The following CELSR2 variants were observed in gnomAD, a reference collection of about 807,000 sequenced individuals.
The protein encoded by CELSR2 is EGF-like protein 2.
A neutral mutation model predicts 251.6 loss-of-function variants in CELSR2; 81 were observed. The observed-to-expected ratio is 0.32, with a 90% CI of 0.27 to 0.39. The LOEUF (loss-of-function observed/expected upper bound fraction) is 0.39, where lower values mean the gene tolerates loss of function less well. CELSR2 is among the 10% of genes least tolerant of loss of function. The pLI, the probability that CELSR2 is intolerant of heterozygous loss-of-function variation, is 1.00. For missense variants in CELSR2, 3,365 were observed against 3,947.7 expected, an observed-to-expected ratio of 0.85 and a Z score of 3.96; for synonymous variants, 1,721 against 1,670.5, an observed-to-expected ratio of 1.03 and a Z score of -0.74.
intron 17 of CELSR2, 152 bp downstream of exon 17, chr1:109,268,212 CT>C (rs763885086): frequency 8.9e-5 from 108 of 1,216,440 alleles, no homozygotes; most frequent in Middle Eastern, 2.9e-4. Flanking sequence ...CCTGTGACCC[CT>C]GGCCCAGCCC....
chr1:109,264,845 C>T (rs1382566436), intron 11 of CELSR2, 23 bp from the exon 12 acceptor site: 2 of 1,614,010 alleles, frequency 1.2e-6, no homozygotes, highest in Non-Finnish European at 1.7e-6. Flanking sequence ...GGGAATGAGC[C>T]TCTCTGGTCC....
rs757475093 is a variant in CELSR2, at chr1:109,252,370, C to T, written c.2291C>T (p.Thr764Met). ...SIPQFRIDAD[T>M]GAVTTQAELD... is the part of the protein sequence containing the mutation. The stretch of plus-strand genomic sequence containing the variant: ...CCCCAGTTCCGCATCGATGCAGACA[C>T]GGGGGCTGTCACCACCCAGGCTGAG... Residue 764 changes from threonine to methionine, a missense_variant, in exon 1 of 34, where the codon ACG becomes ATG. Transcript: ENST00000271332. The surrounding 1 kb of genome is among the most constrained non-coding windows in gnomAD (Gnocchi z 4.8). The T allele has an allele frequency of 2.9e-5, 47 of 1,612,924 alleles. No homozygotes were observed. In the Admixed American group the frequency reaches 6.8e-4, roughly 23 times the overall value.
chr1:109,273,078 G>C lies in CELSR2; in HGVS notation c.8338+51G>C, dbSNP rs762347378. 1.6e-5 allele frequency: 25 copies of C among 1,593,698 alleles called. No homozygotes were observed. In the Admixed American group the frequency reaches 2.1e-4, roughly 13 times the overall value. ...TTTGGGGCCAGTGGGAGGACAGTGGGCCTGGGGTTCTTGGGAAGCAGGACT... is the reference window on the plus strand; with the variant it reads ...TTTGGGGCCAGTGGGAGGACAGTGGCCCTGGGGTTCTTGGGAAGCAGGACT... On this transcript the variant is annotated intron_variant, in intron 31 of 33. Transcript: ENST00000271332.
In CELSR2 at chr1:109,261,245, C is replaced by T. The variant is rs1656013400; in HGVS notation, c.4162C>T (p.His1388Tyr). The change falls in exon 3 of 34, where the codon CAC becomes TAC. Residue 1388 changes from histidine (H) to tyrosine (Y), a missense_variant. Physicochemically the swap from His to Tyr is moderately conservative, Grantham distance 83 (BLOSUM62 2). This residue lies in a region of CELSR2 where 2,093 missense variants were observed against 2,382.8 expected (regional missense o/e 0.88). Coordinates refer to ENST00000271332, the MANE Select transcript of CELSR2 (RefSeq NM_001408.3). The surrounding 1 kb of genome is among the most constrained non-coding windows in gnomAD (Gnocchi z 4.8). ...CTTTCGCGGCCTGCGCCAGCGTTTC[C>T]ACTTCACCCTGGCCCTCTCGTGAGT... ...ITFRGLRQRF[H>Y]FTLALSFATK... 1 of 1,613,518 alleles carries T rather than the reference C, an allele frequency of 6.2e-7. No homozygotes were observed. Among genetic ancestry groups the T allele is most frequent in the African/African-American group, 1.3e-5 (1 of 75,060 alleles).
chr1:109,258,758 CGCAGCCT>C lies in CELSR2; in HGVS notation c.3640_3646del (p.Ser1214Ter), dbSNP rs1557730062. ...CCTGCAGGAGCGCCTATACCTCAAC[CGCAGCCT>C]GCTGACGGCCATCTCGGCACAGCGC... On this transcript the variant is annotated frameshift_variant, in exon 2 of 34. Transcript: ENST00000271332. LOFTEE classifies it high-confidence loss of function. 6.3e-7 allele frequency: 1 copy of C among 1,584,840 alleles called. No homozygotes were observed. The highest frequency in any genetic ancestry group is 1.8e-5 in the Admixed American group (1 of 55,460).
intron 1 of CELSR2, among the ~76,000 whole-genome samples, chr1:109,258,126 G>C (rs1209194250): frequency 6.6e-6 from 1 of 152,154 alleles, no homozygotes; most frequent in Non-Finnish European, 1.5e-5. Context: ...AGACAACATA[G>C]GGTTCCCGCG....
In CELSR2 at chr1:109,273,263, G is replaced by A; in HGVS notation, c.8436G>A (p.Arg2812=). Residue 2812 remains arginine (R), a synonymous_variant, in exon 32 of 34, where the codon CGG becomes CGA. Transcript: ENST00000271332. ...ACGGGGCCCCTGAGGAGCGGCTGCG[G>A]GAGAATGGAGATGCCCTGTCTCGAG... ...SGNGAPEERL[R]ENGDALSREG... 3.1e-6 allele frequency: 5 copies of A among 1,610,918 alleles called. No individual in the cohort carries two copies. Among genetic ancestry groups the A allele is most frequent in the Non-Finnish European group, 4.2e-6 (5 of 1,178,540 alleles).
chr1:109,252,635 C>T lies in CELSR2; in HGVS notation c.2556C>T (p.Tyr852=), dbSNP rs748687661. The stretch of plus-strand genomic sequence containing the variant: ...CTGGACTTAATGGCAGGGTCTTCTA[C>T]ACCTTCCAAGGAGGCGACGATGGAG... ...RDSGLNGRVF[Y]TFQGGDDGDG... is the part of the protein sequence containing the mutation. The change falls in exon 1 of 34, where the codon TAC becomes TAT. Residue 852 remains tyrosine, a synonymous_variant. Transcript: ENST00000271332. This position sits in a 1 kb window ranked among gnomAD's most constrained non-coding sequence, Gnocchi z 4.8. 1.9e-6 allele frequency: 3 copies of T among 1,613,858 alleles called. No homozygotes were observed. The highest frequency in any genetic ancestry group is 1.1e-5 in the South Asian group (1 of 91,088).
rs1162095269 is a variant in CELSR2 at position 109,273,532 on chromosome 1, C to G, written c.8606C>G (p.Ser2869Cys). The G allele has an allele frequency of 1.3e-6, 2 of 1,596,572 alleles. No individual in the cohort carries two copies. The highest frequency in any genetic ancestry group is 1.3e-5 in the African/African-American group (1 of 74,310). ...TGCACAGGGTCTTCCCGGGGCTCCT[C>G]CGCTAGTGAGGGCAGCCGGGGAGGC... is the stretch of plus-strand genomic sequence containing the variant. The part of the protein sequence containing the change: ...EQCTGSSRGS[S>C]ASEGSRGGPP... The change falls in exon 33 of 34, where the codon TCC becomes TGC. Residue 2869 changes from serine (S) to cysteine (C), a missense_variant. Ser to Cys is a moderately radical substitution (Grantham distance 112, BLOSUM62 -1). Coordinates refer to ENST00000271332, the MANE Select transcript of CELSR2 (RefSeq NM_001408.3).
chr1:109,252,613 G>T lies in CELSR2; in HGVS notation c.2534G>T (p.Gly845Val). 1 of 1,613,922 alleles carries T rather than the reference G, an allele frequency of 6.2e-7. No homozygotes were observed. Among genetic ancestry groups the T allele is most frequent in the Non-Finnish European group, 8.5e-7 (1 of 1,180,052 alleles). The change falls in exon 1 of 34, where the codon GGA becomes GTA. Residue 845 changes from glycine (G) to valine (V), a missense_variant. Gly to Val is a moderately radical substitution (Grantham distance 109, BLOSUM62 -3). Transcript: ENST00000271332. This position sits in a 1 kb window ranked among gnomAD's most constrained non-coding sequence, Gnocchi z 4.8. ...ATCTCAGCCACTGATCGTGATTCTGGACTTAATGGCAGGGTCTTCTACACC... is the reference window on the plus strand; with the variant it reads ...ATCTCAGCCACTGATCGTGATTCTGTACTTAATGGCAGGGTCTTCTACACC... ...LQISATDRDSGLNGRVFYTFQ... is the reference protein window; with the variant it reads ...LQISATDRDSVLNGRVFYTFQ...
chr1:109,273,581 G>A lies in CELSR2; in HGVS notation c.8655G>A (p.Arg2885=). 1 of 1,560,806 alleles carries A rather than the reference G, an allele frequency of 6.4e-7. No homozygotes were observed. The highest frequency in any genetic ancestry group is 8.7e-7 in the Non-Finnish European group (1 of 1,152,826). Residue 2885 remains arginine (R), a synonymous_variant, in exon 33 of 34, where the codon CGG becomes CGA. Transcript: ENST00000271332. ...RGGPPPRPPP[R]QSLQEQLNGV... ...GCCCCCCTCCCCGCCCACCGCCCCG[G>A]CAGAGCCTCCAGGAGCAGCTGAACG...
chr1:109,258,868 C>T lies in CELSR2; in HGVS notation c.3747C>T (p.Phe1249=). 3 of 1,612,274 alleles carry T rather than the reference C, an allele frequency of 1.9e-6. No homozygotes were observed. The highest frequency in any genetic ancestry group is 1.3e-5 in the African/African-American group (1 of 75,032). Residue 1249 remains phenylalanine, a synonymous_variant, in exon 2 of 34, where the codon TTC becomes TTT. Coordinates refer to ENST00000271332, the MANE Select transcript of CELSR2 (RefSeq NM_001408.3). ...TGCGCTGCGTGTCGGTGCTGCGCTT[C>T]GACTCCTCCGCGCCCTTCATCGCCT... The part of the protein sequence containing the change: ...NYMRCVSVLR[F]DSSAPFIASS...
At position 109,269,222 on chromosome 1, in the gene CELSR2, C is replaced by T. The variant is rs747418265; in HGVS notation, c.6744C>T (p.Ser2248=). The T allele has an allele frequency of 3.7e-5, 59 of 1,612,680 alleles. No individual in the cohort carries two copies. The highest frequency in any genetic ancestry group is 4.8e-5 in the Non-Finnish European group (57 of 1,179,880). ...PELSQGEAVA[S]VIIYRTLAGL... Reference sequence around the variant, plus strand: ...TGAGCCAGGGTGAGGCTGTGGCCAGCGTCATCATCTACCGCACCCTGGCCG... The same window carrying T: ...TGAGCCAGGGTGAGGCTGTGGCCAGTGTCATCATCTACCGCACCCTGGCCG... Residue 2248 remains serine (S), a synonymous_variant, in exon 20 of 34, where the codon AGC becomes AGT. Coordinates refer to ENST00000271332, the MANE Select transcript of CELSR2 (RefSeq NM_001408.3). This position sits in a 1 kb window ranked among gnomAD's most constrained non-coding sequence, Gnocchi z 6.4.
At position 109,264,889 on chromosome 1, in the gene CELSR2, C is replaced by T; in HGVS notation, c.5486C>T (p.Thr1829Ile). 3 of 1,614,186 alleles carry T rather than the reference C, an allele frequency of 1.9e-6. No individual in the cohort carries two copies. The highest frequency in any genetic ancestry group is 2.5e-6 in the Non-Finnish European group (3 of 1,180,022). ...CCAGGTTACTATGGTGACAACTGTA[C>T]TAATGTGTGTGACCTGAACCCGTGT... Reference protein sequence around the residue: ...CDPGYYGDNCTNVCDLNPCEH... With the variant: ...CDPGYYGDNCINVCDLNPCEH... Residue 1829 changes from threonine (T) to isoleucine (I), a missense_variant, in exon 12 of 34, where the codon ACT (threonine) becomes ATT (isoleucine). Coordinates refer to ENST00000271332, the MANE Select transcript of CELSR2 (RefSeq NM_001408.3).
Position 109,258,860 on chromosome 1 carries a change from C to A in CELSR2, c.3739C>A (p.Leu1247Met), listed in dbSNP as rs747057332. The A allele has an allele frequency of 6.6e-5, 107 of 1,612,318 alleles. No homozygotes were observed. Among genetic ancestry groups the A allele is most frequent in the Non-Finnish European group, 8.2e-5 (97 of 1,179,380 alleles). The change falls in exon 2 of 34, where the codon CTG becomes ATG. Residue 1247 changes from leucine to methionine, a missense_variant. Physicochemically the swap from Leu to Met is conservative, Grantham distance 15 (BLOSUM62 2). Transcript: ENST00000271332. ...CENYMRCVSV[L>M]RFDSSAPFIA... ...GAACTACATGCGCTGCGTGTCGGTGCTGCGCTTCGACTCCTCCGCGCCCTT... is the reference window on the plus strand; with the variant it reads ...GAACTACATGCGCTGCGTGTCGGTGATGCGCTTCGACTCCTCCGCGCCCTT...
At chr1:109,259,503 A>T (rs544976764) in intron 2 of CELSR2, among the ~76,000 whole-genome samples, 64 of 152,346 alleles carry the variant, frequency 4.2e-4, no homozygotes, top group African/African-American at 1.4e-3. Context: ...AGCTGGTGGC[A>T]TGGAAGGTGT....
chr1:109,250,527 C>A lies in CELSR2; in HGVS notation c.448C>A (p.Leu150Met). The A allele has an allele frequency of 6.2e-7, 1 of 1,613,924 alleles. No homozygotes were observed. Among genetic ancestry groups the A allele is most frequent in the Non-Finnish European group, 8.5e-7 (1 of 1,180,026 alleles). Reference protein sequence around the residue: ...APRLRCQSCKLAQAPGLRAGE... With the variant: ...APRLRCQSCKMAQAPGLRAGE... ...ACGGCTCAGATGCCAGTCCTGCAAG[C>A]TGGCACAGGCCCCCGGGCTCAGGGC... Residue 150 changes from leucine to methionine, a missense_variant, in exon 1 of 34, where the codon CTG (leucine) becomes ATG (methionine). Coordinates refer to ENST00000271332, the MANE Select transcript of CELSR2 (RefSeq NM_001408.3). This position sits in a 1 kb window ranked among gnomAD's most constrained non-coding sequence, Gnocchi z 4.4.
chr1:109,249,816 C>A lies in CELSR2; in HGVS notation c.-264C>A, dbSNP rs1655621643. Among the ~76,000 whole-genome samples the A allele has an allele frequency of 6.7e-6, 1 of 150,012 alleles. No individual in the cohort carries two copies. Among genetic ancestry groups the A allele is most frequent in the Non-Finnish European group, 1.5e-5 (1 of 67,194 alleles). On this transcript the variant is annotated 5_prime_UTR_variant, in exon 1 of 34. Coordinates refer to ENST00000271332, the MANE Select transcript of CELSR2 (RefSeq NM_001408.3). ...GGGCGCAGGTGGTGAGTGCCCGGAG[C>A]GCAGGTGGAGGCGCGGCGGCAGCCC...
At position 109,270,514 on chromosome 1, in the gene CELSR2, G is replaced by T. The variant is rs146139897; in HGVS notation, c.7397G>T (p.Arg2466Leu). Residue 2466 changes from arginine (R) to leucine (L), a missense_variant, in exon 24 of 34, where the codon CGG becomes CTG. Physicochemically the swap from Arg to Leu is moderately radical, Grantham distance 102 (BLOSUM62 -2). This residue lies in a region of CELSR2 where 2,093 missense variants were observed against 2,382.8 expected (regional missense o/e 0.88). Transcript: ENST00000271332. ...CTGCTGGAGGCCTTGCACCTGTACC[G>T]GGCACTCACTGAGGTGCGCGATGTC... Reference protein sequence around the residue: ...WALLEALHLYRALTEVRDVNT... With the variant: ...WALLEALHLYLALTEVRDVNT... 1 of 1,614,156 alleles carries T rather than the reference G, an allele frequency of 6.2e-7. No individual in the cohort carries two copies. The highest frequency in any genetic ancestry group is 2.2e-5 in the East Asian group (1 of 44,886).
Sources: gnomAD v4.1 joint callset for allele counts (sites outside exome capture counted in the v4.1 genomes callset) on GRCh38, gnomAD v4.1.1 for gene constraint, gnomAD v4.1.1 regional missense constraint, Gnocchi (gnomAD v3.1) non-coding constraint, MANE v1.5 for transcripts, NCBI Gene and HGNC (gene_info 2026-07-23, HGNC 2026-07-21) for gene names.